The following SLC38A6 variants were observed in gnomAD, a reference collection of about 807,000 sequenced individuals.
SLC38A6 encodes the protein N system amino acid transporter NAT-1.
A neutral mutation model predicts 65.0 loss-of-function variants in SLC38A6; 73 were observed. The observed-to-expected ratio is 1.12, with a 90% CI of 0.93 to 1.37. The LOEUF (loss-of-function observed/expected upper bound fraction) is 1.37. SLC38A6 is among the 40% of genes most tolerant of loss of function. The pLI is 0.00. For synonymous variants in SLC38A6, 183 were observed against 178.8 expected, an observed-to-expected ratio of 1.02 and a Z score of -0.19; for missense variants, 561 against 531.1, an observed-to-expected ratio of 1.06 and a Z score of -0.55.
intron 3 of SLC38A6, among the ~76,000 whole-genome samples, chr14:61,010,877 G>A (rs1280312786): frequency 1.3e-5 from 2 of 152,116 alleles, no homozygotes; most frequent in Non-Finnish European, 2.9e-5. Flanking sequence ...CTCTTTTTCA[G>A]TTCCATATGA....
intron 8 of SLC38A6, among the ~76,000 whole-genome samples, chr14:61,040,069 T>C (rs971072529): frequency 6.6e-6 from 1 of 152,116 alleles, no homozygotes; most frequent in African/African-American, 2.4e-5. Flanking sequence ...TTTTGGTGTA[T>C]TTTAGAGCAC....
At chr14:61,018,324 T>G (rs1052290578) in intron 4 of SLC38A6, among the ~76,000 whole-genome samples, 1 of 152,192 alleles carries the variant, frequency 6.6e-6, no homozygotes, top group African/African-American at 2.4e-5. Flanking sequence ...GAACTAAGTT[T>G]TACATAGGCT....
In SLC38A6 at chr14:61,081,515, T is replaced by C. The variant is rs529550622; in HGVS notation, c.1409-2040T>C. Among the ~76,000 whole-genome samples, 1,104 of 152,110 alleles carry C rather than the reference T, an allele frequency of 7.3e-3. 5 individuals are homozygous for C. Among genetic ancestry groups the C allele is most frequent in the Non-Finnish European group, 0.013 (894 of 68,000 alleles). On this transcript the variant is annotated intron_variant, in intron 16 of 16. Transcript: ENST00000354886. ...GCCTGACCAACATGGTGAAACCCCA[T>C]CTCTAATAAAAATACAAAAATTAGC... is the stretch of plus-strand genomic sequence containing the variant.
chr14:61,005,867 C>G (rs2039072279), intron 3 of SLC38A6, among the ~76,000 whole-genome samples: 1 of 152,116 alleles, frequency 6.6e-6, no homozygotes, highest in South Asian at 2.1e-4. Context: ...CCCGCATTGC[C>G]AAGTCAATCC....
chr14:61,023,977 G>T (rs990806138), intron 5 of SLC38A6, among the ~76,000 whole-genome samples: 4 of 152,236 alleles, frequency 2.6e-5, no homozygotes, highest in Middle Eastern at 3.4e-3. Flanking sequence ...AGAGGGGAGA[G>T]GGGGAAAAGC....
chr14:61,068,608 C>G (rs531836353), intron 15 of SLC38A6, among the ~76,000 whole-genome samples: 2 of 152,312 alleles, frequency 1.3e-5, no homozygotes, highest in Non-Finnish European at 2.9e-5. Flanking sequence ...ACTGTCACCC[C>G]CTCAGAGAGG....
At chr14:61,077,176 A>G (rs2043448939) in intron 15 of SLC38A6, among the ~76,000 whole-genome samples, 1 of 152,216 alleles carries the variant, frequency 6.6e-6, no homozygotes, top group Admixed American at 6.5e-5. Context: ...AAAACTTGCT[A>G]CATAGTTATT....
chr14:61,033,532 T>G (rs1467107836), intron 6 of SLC38A6, among the ~76,000 whole-genome samples: 3 of 152,150 alleles, frequency 2.0e-5, no homozygotes, highest in Non-Finnish European at 4.4e-5. Context: ...AAATTAAAGT[T>G]AGTACATTCT....
intron 3 of SLC38A6, among the ~76,000 whole-genome samples, chr14:61,007,286 C>T (rs2039205954): frequency 1.3e-5 from 2 of 151,426 alleles, no homozygotes; most frequent in South Asian, 2.1e-4. Context: ...ATCTAACCTT[C>T]ACATTGTGCA....
chr14:61,077,854 A>G (rs2043478909), intron 15 of SLC38A6, among the ~76,000 whole-genome samples: 1 of 152,218 alleles, frequency 6.6e-6, no homozygotes, highest in African/African-American at 2.4e-5. Flanking sequence ...TGTTACTTCT[A>G]TAGTAAAACA....
intron 3 of SLC38A6, among the ~76,000 whole-genome samples, chr14:61,008,475 T>G (rs1473266239): frequency 6.6e-6 from 1 of 152,186 alleles, no homozygotes; most frequent in Non-Finnish European, 1.5e-5. Context: ...GGAACTAGCT[T>G]TGAGAAATGA....
chr14:61,041,412 T>G (rs1040386693), intron 8 of SLC38A6, among the ~76,000 whole-genome samples: 2 of 152,208 alleles, frequency 1.3e-5, no homozygotes, highest in African/African-American at 4.8e-5. Flanking sequence ...TTTTTTCAAA[T>G]TAATAAAAAT....
chr14:61,077,222 A>G (rs1056691683), intron 15 of SLC38A6, among the ~76,000 whole-genome samples: 1 of 152,220 alleles, frequency 6.6e-6, no homozygotes, highest in Non-Finnish European at 1.5e-5. Context: ...TTTCTCATAG[A>G]CCAACACTTG....
At chr14:61,016,810 T>C (rs1451074324) in intron 4 of SLC38A6, among the ~76,000 whole-genome samples, 3 of 152,242 alleles carry the variant, frequency 2.0e-5, no homozygotes, top group South Asian at 4.1e-4. Flanking sequence ...ATATTTATTA[T>C]GGACAACATG....
At chr14:61,006,712 T>TA (rs1158319858) in intron 3 of SLC38A6, among the ~76,000 whole-genome samples, 1 of 152,194 alleles carries the variant, frequency 6.6e-6, no homozygotes, top group Non-Finnish European at 1.5e-5. Flanking sequence ...TAGAAACACT[T>TA]ACACTGTTGG....
At chr14:61,036,960 C>CTGTGTGTGTG (rs34977105) in intron 6 of SLC38A6, 99 bp from the exon 7 acceptor site, 4,895 of 437,862 alleles carry the variant, frequency 0.011, 61 homozygotes, top group Non-Finnish European at 0.013. Context: ...GGTTATAACT[C>CTGTGTGTGTG]TGTGTGTGTG....
intron 5 of SLC38A6, 92 bp from the exon 6 acceptor site, chr14:61,030,353 C>T: frequency 1.2e-6 from 1 of 854,768 alleles, no homozygotes. Flanking sequence ...GTTGTCATAG[C>T]TCTAATGGAC....
intron 5 of SLC38A6, among the ~76,000 whole-genome samples, chr14:61,023,260 G>C (rs1487917897): frequency 6.6e-6 from 1 of 152,140 alleles, no homozygotes; most frequent in Non-Finnish European, 1.5e-5. Flanking sequence ...TCTCATTTAT[G>C]TAAAATGGGT....
chr14:60,988,695 T>C (rs1425311589), intron 3 of SLC38A6, among the ~76,000 whole-genome samples: 1 of 152,232 alleles, frequency 6.6e-6, no homozygotes. Flanking sequence ...ATCAATTCAT[T>C]GATTCTACCA....
Sources: allele counts gnomAD v4.1 joint callset (sites outside exome capture counted in the v4.1 genomes callset), GRCh38; gene constraint gnomAD v4.1.1; transcripts MANE v1.5; gene names NCBI Gene and HGNC (gene_info 2026-07-23, HGNC 2026-07-21).